The following ERFL variants were observed in gnomAD, a reference collection of about 807,000 sequenced individuals.
ERFL encodes the protein ETS domain-containing transcription factor ERF-like.
ERFL carries 8 observed loss-of-function variants against 27.9 expected under a neutral mutation model. The ratio of observed to expected loss-of-function variants is 0.29; its 90% CI spans 0.17 to 0.52. The LOEUF is 0.52. Among genes scored for constraint, ERFL ranks in the 20% least tolerant of loss-of-function variants. ERFL has a pLI of 0.97. For missense variants in ERFL, 294 were observed against 444.4 expected (o/e 0.66, Z 3.04); for synonymous variants, 174 against 202.8 (o/e 0.86, Z 1.21).
Position 41,916,843 on chromosome 19 carries a change from G to GTC in ERFL, c.-13-3912_-13-3911insGA. Among the ~76,000 whole-genome samples, 1 of 151,682 alleles carries GTC rather than the reference G, an allele frequency of 6.6e-6. No homozygotes were observed. Among genetic ancestry groups the GTC allele is most frequent in the African/African-American group, 2.4e-5 (1 of 41,192 alleles). On this transcript the variant is annotated intron_variant, in intron 1 of 5. Transcript: ENST00000597630. The surrounding 1 kb of genome is among the most constrained non-coding windows in gnomAD (Gnocchi z 5.4). ...AGATCACGGACCCAAACATACGACC[G>GTC]ACAGCGGCCCCTGCAGAGGTACACA...
In ERFL at chr19:41,908,978, C is replaced by T. The variant is rs1473259774; in HGVS notation, c.616+82G>A. On this transcript the variant is annotated intron_variant, in intron 5 of 5. Transcript: ENST00000597630. This position sits in a 1 kb window ranked among gnomAD's most constrained non-coding sequence, Gnocchi z 6.7. ...CTGGGCCCCCTTCCCCATCTCTTCT[C>T]TTGTCTTTTCTCATCCTCTTCCCTC... 2 of 901,982 alleles carry T rather than the reference C, an allele frequency of 2.2e-6. No homozygotes were observed. The highest frequency in any genetic ancestry group is 2.9e-6 in the Non-Finnish European group (2 of 688,106). The allele number at this position is 901,982 out of a possible 1,614,324, so 55.9% of individuals were successfully genotyped here.
intron 1 of ERFL, among the ~76,000 whole-genome samples, chr19:41,922,786 A>G (rs2074849888): frequency 6.6e-6 from 1 of 152,202 alleles, no homozygotes; most frequent in Non-Finnish European, 1.5e-5. Flanking sequence ...ATTCAGCGCC[A>G]TCGATCAGAT....
intron 1 of ERFL, among the ~76,000 whole-genome samples, chr19:41,924,810 C>T (rs1240809418): frequency 2.0e-5 from 3 of 152,038 alleles, no homozygotes; most frequent in Admixed American, 6.5e-5. Context: ...GTCAGAGACA[C>T]GTGCTAGGAA....
rs1476713183 is a variant in ERFL at position 41,914,666 on chromosome 19, C to T, written c.-13-1734G>A. Among the ~76,000 whole-genome samples, 6 of 32,736 alleles carry T rather than the reference C, an allele frequency of 1.8e-4. 2 individuals are homozygous for T. The highest frequency in any genetic ancestry group is 1.6e-3 in the South Asian group (1 of 616). The allele number at this position is 32,736 out of a possible 152,430, so 21.5% of individuals were successfully genotyped here. ...CCCTCCCTTTCCACCATCTCTGTCTCTCCCTCCCCTTCCACCATCTCTGTC... is the reference window on the plus strand; with the variant it reads ...CCCTCCCTTTCCACCATCTCTGTCTTTCCCTCCCCTTCCACCATCTCTGTC... On this transcript the variant is annotated intron_variant, in intron 1 of 5. Coordinates refer to ENST00000597630, the MANE Select transcript of ERFL (RefSeq NM_001365103.2).
At chr19:41,912,641 C>G (rs1484235204) in intron 2 of ERFL, among the ~76,000 whole-genome samples, 1 of 152,236 alleles carries the variant, frequency 6.6e-6, no homozygotes, top group African/African-American at 2.4e-5. Flanking sequence ...ACCCACCTAT[C>G]CCCCCAGCAC....
chr19:41,916,790 A>T lies in ERFL; in HGVS notation c.-13-3858T>A, dbSNP rs982443025. Among the ~76,000 whole-genome samples, 4 of 152,024 alleles carry T rather than the reference A, an allele frequency of 2.6e-5. No individual in the cohort carries two copies. The highest frequency in any genetic ancestry group is 4.4e-5 in the Non-Finnish European group (3 of 67,994). ...CGGCCACACACACACCCATTCACAG[A>T]CACAGTCACAATCACACACACACAC... On this transcript the variant is annotated intron_variant, in intron 1 of 5. Transcript: ENST00000597630. The surrounding 1 kb of genome is among the most constrained non-coding windows in gnomAD (Gnocchi z 5.4).
rs542213589 is a variant in ERFL, at chr19:41,925,977, T to C, written c.-14+2063A>G. Among the ~76,000 whole-genome samples, 10 of 151,866 alleles carry C rather than the reference T, an allele frequency of 6.6e-5. No individual in the cohort carries two copies. The East Asian group carries it at 1.9e-3, about 30-fold the overall frequency. On this transcript the variant is annotated intron_variant, in intron 1 of 5. Transcript: ENST00000597630. The stretch of plus-strand genomic sequence containing the variant: ...GAGTGCTTGTGTGCAACAGAAGGAA[T>C]GTGTGTGTGAGTGTGTGCATGTGTG...
intron 1 of ERFL, among the ~76,000 whole-genome samples, chr19:41,918,153 TG>T (rs1380462987): frequency 2.8e-4 from 42 of 151,966 alleles, no homozygotes; most frequent in African/African-American, 9.7e-4. Context: ...GGCCTGACCC[TG>T]GTTGGGGGTG....
rs1423703706 is a variant in ERFL, at chr19:41,908,359, C to T, written c.934G>A (p.Gly312Ser). 8.1e-7 allele frequency: 1 copy of T among 1,231,352 alleles called. No homozygotes were observed. The highest frequency in any genetic ancestry group is 1.0e-6 in the Non-Finnish European group (1 of 987,780). The allele number at this position is 1,231,352 out of a possible 1,614,324, so 76.3% of individuals were successfully genotyped here. ...TCCGAGTCGCTGTCCTCCTTCCCAC[C>T]AAGGGCAGCCTCTGGACCCCCAGCC... is the stretch of plus-strand genomic sequence containing the variant. ...PGAGGPEAAL[G>S]GKEDSDSELE... Residue 312 changes from glycine (G) to serine (S), a missense_variant, in exon 6 of 6, where the codon GGT becomes AGT. Coordinates refer to ENST00000597630, the MANE Select transcript of ERFL (RefSeq NM_001365103.2). The surrounding 1 kb of genome is among the most constrained non-coding windows in gnomAD (Gnocchi z 6.7).
Position 41,925,611 on chromosome 19 carries a change from T to A in ERFL, c.-14+2429A>T, listed in dbSNP as rs993273152. On this transcript the variant is annotated intron_variant, in intron 1 of 5. Transcript: ENST00000597630. The stretch of plus-strand genomic sequence containing the variant: ...GAAAGCCATGAGGAGGGTACTAGTG[T>A]GTGGATTGGTGATCAGGTGGTGCTT... Among the ~76,000 whole-genome samples, 13 of 152,054 alleles carry A rather than the reference T, an allele frequency of 8.5e-5. No homozygotes were observed. The East Asian group carries it at 1.4e-3, about 16-fold the overall frequency.
In ERFL at chr19:41,909,545, G is replaced by A. The variant is rs1488715811; in HGVS notation, c.303-74C>T. On this transcript the variant is annotated intron_variant, in intron 3 of 5. Coordinates refer to ENST00000597630, the MANE Select transcript of ERFL (RefSeq NM_001365103.2). The surrounding 1 kb of genome is among the most constrained non-coding windows in gnomAD (Gnocchi z 5.2). The stretch of plus-strand genomic sequence containing the variant: ...CGGGATCTGGGGTTTCTTAATGCGT[G>A]TGCTGTCCCAGGCATGGTGCACAGA... 2.7e-6 allele frequency: 3 copies of A among 1,099,572 alleles called. No homozygotes were observed. The highest frequency in any genetic ancestry group is 7.8e-5 in the Admixed American group (2 of 25,646). The allele number at this position is 1,099,572 out of a possible 1,614,324, so 68.1% of individuals were successfully genotyped here.
chr19:41,912,904 C>T lies in ERFL; in HGVS notation c.16G>A (p.Val6Ile), dbSNP rs1422810029. 8.1e-7 allele frequency: 1 copy of T among 1,231,550 alleles called. No individual in the cohort carries two copies. 76.3% of individuals were successfully genotyped at this position (1,231,550 alleles called of 1,614,324 possible). The change falls in exon 2 of 6, where the codon GTC (valine) becomes ATC (isoleucine). Residue 6 changes from valine (V) to isoleucine (I), a missense_variant. Val to Ile is a conservative substitution (Grantham distance 29, BLOSUM62 3). Around this residue, in one of 3 missense-constraint regions of ERFL, gnomAD observed 38 missense variants for 35.3 expected, o/e 1.08. Transcript: ENST00000597630. Reference protein sequence around the residue: MDCSCVSDLLFAPPAL... With the variant: MDCSCISDLLFAPPAL... ...GGCGGGGCGAAGAGAAGGTCGGAGACGCAGCTACAGTCCATGGCGGAGCCG... is the reference window on the plus strand; with the variant it reads ...GGCGGGGCGAAGAGAAGGTCGGAGATGCAGCTACAGTCCATGGCGGAGCCG...
At chr19:41,913,552 C>T (rs1317394935) in intron 1 of ERFL, among the ~76,000 whole-genome samples, 3 of 151,578 alleles carry the variant, frequency 2.0e-5, no homozygotes, top group Non-Finnish European at 2.9e-5. Flanking sequence ...AGTCCTCTAC[C>T]CCACAGGGCA....
chr19:41,920,716 C>T (rs1394553241), intron 1 of ERFL, among the ~76,000 whole-genome samples: 1 of 152,264 alleles, frequency 6.6e-6, no homozygotes, highest in Non-Finnish European at 1.5e-5. Context: ...CACATGCGCA[C>T]ACACACACTC....
intron 1 of ERFL, among the ~76,000 whole-genome samples, chr19:41,913,484 C>G (rs1314905626): frequency 2.0e-5 from 3 of 151,790 alleles, no homozygotes; most frequent in Non-Finnish European, 4.4e-5. Flanking sequence ...AGGCGCAGCC[C>G]TGACCCGCAG....
In ERFL at chr19:41,910,755, G is replaced by A. The variant is rs1485665796; in HGVS notation, c.68-658C>T. Among the ~76,000 whole-genome samples, 1 of 152,130 alleles carries A rather than the reference G, an allele frequency of 6.6e-6. No homozygotes were observed. The highest frequency in any genetic ancestry group is 2.4e-5 in the African/African-American group (1 of 41,410). ...CGTGGACACACACATGCCCACGGAA[G>A]ACATGTCACACAGACATCAGTTCAC... On this transcript the variant is annotated intron_variant, in intron 2 of 5. Transcript: ENST00000597630. The surrounding 1 kb of genome is among the most constrained non-coding windows in gnomAD (Gnocchi z 4.4).
At position 41,918,970 on chromosome 19, in the gene ERFL, C is replaced by CCA. The variant is rs369125007; in HGVS notation, c.-13-6040_-13-6039dup. On this transcript the variant is annotated intron_variant, in intron 1 of 5. Coordinates refer to ENST00000597630, the MANE Select transcript of ERFL (RefSeq NM_001365103.2). ...ACCATACACACATGCACACCACACA[C>CCA]CACACACACACACACCGCATATACA... Among the ~76,000 whole-genome samples, 1,156 of 150,260 alleles carry CCA rather than the reference C, an allele frequency of 7.7e-3. 13 individuals carry two copies. Among genetic ancestry groups the CCA allele is most frequent in the African/African-American group, 0.022 (882 of 40,910 alleles).
At position 41,916,520 on chromosome 19, in the gene ERFL, A is replaced by G. The variant is rs1322078096; in HGVS notation, c.-13-3588T>C. 6.6e-6 allele frequency among the ~76,000 whole-genome samples: 1 copy of G among 152,172 alleles called. No homozygotes were observed. The highest frequency in any genetic ancestry group is 1.5e-5 in the Non-Finnish European group (1 of 68,028). On this transcript the variant is annotated intron_variant, in intron 1 of 5. Transcript: ENST00000597630. This position sits in a 1 kb window ranked among gnomAD's most constrained non-coding sequence, Gnocchi z 5.4. ...TCAATTCAATCTCACACAGAAACAAAGACACAAAATCACAAATCCTAGACA... is the reference window on the plus strand; with the variant it reads ...TCAATTCAATCTCACACAGAAACAAGGACACAAAATCACAAATCCTAGACA...
intron 1 of ERFL, among the ~76,000 whole-genome samples, chr19:41,920,537 CACAG>C (rs1272983937): frequency 2.6e-5 from 4 of 151,950 alleles, no homozygotes; most frequent in South Asian, 2.1e-4. Flanking sequence ...ATGATGCACT[CACAG>C]ACAGGACACG....
Sources: allele counts gnomAD v4.1 joint callset (sites outside exome capture counted in the v4.1 genomes callset), GRCh38; gene constraint gnomAD v4.1.1; regional missense constraint gnomAD v4.1.1; non-coding constraint Gnocchi (gnomAD v3.1); transcripts MANE v1.5; gene names NCBI Gene and HGNC (gene_info 2026-07-23, HGNC 2026-07-21).